Variants in BLOC1S2 observed in about 807,000 individuals in gnomAD.
The protein encoded by BLOC1S2 is biogenesis of lysosome-related organelles complex 1 subunit 2.
BLOC1S2 carries 12 observed loss-of-function variants against 19.6 expected under a neutral mutation model. The ratio of observed to expected loss-of-function variants is 0.61; its 90% CI spans 0.39 to 0.99. The LOEUF (loss-of-function observed/expected upper bound fraction) is 0.99, where lower values mean the gene tolerates loss of function less well. BLOC1S2 is among the 50% of genes least tolerant of loss of function. BLOC1S2 has a pLI of 0.00. For missense variants in BLOC1S2, 142 were observed against 171.0 expected (o/e 0.83, Z 0.95); for synonymous variants, 66 against 64.1 (o/e 1.03, Z -0.14).
rs1455742739 is a variant in BLOC1S2, at chr10:100,275,286, A to C, written c.*176T>G. 1 of 563,406 alleles carries C rather than the reference A, an allele frequency of 1.8e-6. No individual in the cohort carries two copies. Among genetic ancestry groups the C allele is most frequent in the Non-Finnish European group, 3.1e-6 (1 of 321,604 alleles). 34.9% of individuals were successfully genotyped at this position (563,406 alleles called of 1,614,324 possible). On this transcript the variant is annotated 3_prime_UTR_variant, in exon 5 of 5. Transcript: ENST00000370372. ...GATTCTGAGGGATTCTGTCTCAAAG[A>C]AGGTTCAGGAATAGCCACAGTCCTC...
intron 3 of BLOC1S2, among the ~76,000 whole-genome samples, chr10:100,280,609 T>A (rs747171016): frequency 2.4e-4 from 37 of 152,238 alleles, no homozygotes; most frequent in Non-Finnish European, 5.0e-4. Flanking sequence ...ATTAGTGTTT[T>A]CCATTATAGA....
chr10:100,278,159 T>TG lies in BLOC1S2; in HGVS notation c.397+1964dup, dbSNP rs1226928207. ...CCAGCCACCCCGTCTGGGAGGGAGGTGGGGGGGTCAGCCCCCTACCCGGCC... is the reference window on the plus strand; with the variant it reads ...CCAGCCACCCCGTCTGGGAGGGAGGTGGGGGGGGTCAGCCCCCTACCCGGCC... On this transcript the variant is annotated intron_variant, in intron 4 of 4. Coordinates refer to ENST00000370372, the MANE Select transcript of BLOC1S2 (RefSeq NM_173809.5). 6.6e-3 allele frequency among the ~76,000 whole-genome samples: 669 copies of TG among 101,438 alleles called. 7 individuals carry two copies. Among genetic ancestry groups the TG allele is most frequent in the Admixed American group, 9.1e-3 (95 of 10,400 alleles). 66.5% of individuals were successfully genotyped at this position (101,438 alleles called of 152,430 possible).
At chr10:100,286,244 G>A in intron 1 of BLOC1S2, 31 bp from the exon 2 acceptor site, 3 of 1,607,806 alleles carry the variant, frequency 1.9e-6, no homozygotes, top group Admixed American at 1.7e-5. Flanking sequence ...TAAGTGTCCC[G>A]CCTACACCCG....
rs778386384 is a variant in BLOC1S2 at position 100,286,661 on chromosome 10, G to A, written c.-2C>T. ...TACGCCCTCGGCTGCCGCCGCCATA[G>A]CGGACCCCGCGCTGTTTCCGGGCCG... On this transcript the variant is annotated 5_prime_UTR_variant, in exon 1 of 5. Transcript: ENST00000370372. 31 of 1,610,154 alleles carry A rather than the reference G, an allele frequency of 1.9e-5. No homozygotes were observed. Among genetic ancestry groups the A allele is most frequent in the Non-Finnish European group, 2.3e-5 (27 of 1,178,168 alleles).
At position 100,275,003 on chromosome 10, in the gene BLOC1S2, A is replaced by T; in HGVS notation, c.*459T>A. 1 of 396,680 alleles carries T rather than the reference A, an allele frequency of 2.5e-6. No individual in the cohort carries two copies. Among genetic ancestry groups the T allele is most frequent in the East Asian group, 3.6e-5 (1 of 27,754 alleles). The allele number at this position is 396,680 out of a possible 1,614,324, so 24.6% of individuals were successfully genotyped here. On this transcript the variant is annotated 3_prime_UTR_variant, in exon 5 of 5. Coordinates refer to ENST00000370372, the MANE Select transcript of BLOC1S2 (RefSeq NM_173809.5). The stretch of plus-strand genomic sequence containing the variant: ...ACAAGGTGATAAGCTGCAAAGAACA[A>T]GTTTGTTTTGTTTTCCTTTTTAAAT...
At chr10:100,281,689 A>ATATAT (rs1184018869) in intron 2 of BLOC1S2, among the ~76,000 whole-genome samples, 2 of 95,310 alleles carry the variant, frequency 2.1e-5, no homozygotes, top group African/African-American at 1.1e-4. Flanking sequence ...TCTCAAAAAA[A>ATATAT]AAAAATATAT....
intron 4 of BLOC1S2, among the ~76,000 whole-genome samples, chr10:100,277,669 C>G (rs1485396183): frequency 1.4e-5 from 2 of 141,488 alleles, no homozygotes; most frequent in African/African-American, 5.3e-5. Flanking sequence ...GGGCTCAGCC[C>G]CCCCGCCCGG....
intron 4 of BLOC1S2, among the ~76,000 whole-genome samples, chr10:100,278,393 G>A (rs1339312323): frequency 6.6e-6 from 1 of 152,234 alleles, no homozygotes; most frequent in Non-Finnish European, 1.5e-5. Flanking sequence ...AATAGAAAAG[G>A]GGGCAAGGTG....
At position 100,280,148 on chromosome 10, in the gene BLOC1S2, A is replaced by T; in HGVS notation, c.373T>A (p.Leu125Met). The change falls in exon 4 of 5, where the codon TTG becomes ATG. Residue 125 changes from leucine (L) to methionine (M), a missense_variant. By Grantham distance (15) the Leu-to-Met change is conservative. Around this residue, in one of 2 missense-constraint regions of BLOC1S2, gnomAD observed 94 missense variants for 141.3 expected, o/e 0.67. Transcript: ENST00000370372. Reference sequence around the variant, plus strand: ...CCCAGTTTTTTTGAATATGCATCCAACTTGTAAGCTGCCTGCTCAAGAGCT... The same window carrying T: ...CCCAGTTTTTTTGAATATGCATCCATCTTGTAAGCTGCCTGCTCAAGAGCT... ...VAALEQAAYK[L>M]DAYSKKLEAK... 1 of 1,613,764 alleles carries T rather than the reference A, an allele frequency of 6.2e-7. No individual in the cohort carries two copies. The highest frequency in any genetic ancestry group is 8.5e-7 in the Non-Finnish European group (1 of 1,179,842).
intron 4 of BLOC1S2, 27 bp from the exon 5 acceptor site, chr10:100,275,520 C>A: frequency 1.9e-6 from 3 of 1,593,434 alleles, no homozygotes; most frequent in Non-Finnish European, 1.7e-6. Flanking sequence ...AGAGTTACAT[C>A]TTTTAAAACT....
rs940475236 is a variant in BLOC1S2 at position 100,273,750 on chromosome 10, C to T, written c.*1712G>A. ...ACTCGGGAGGCTGAGGCAGGAGAAT[C>T]GCTTGAACCCAGGAAACAGAGGTTG... On this transcript the variant is annotated 3_prime_UTR_variant, in exon 5 of 5. Transcript: ENST00000370372. 4 of 151,176 alleles carry T rather than the reference C, an allele frequency of 2.6e-5. No homozygotes were observed. Among genetic ancestry groups the T allele is most frequent in the Non-Finnish European group, 4.4e-5 (3 of 67,950 alleles). The allele number at this position is 151,176 out of a possible 1,614,324, so 9.4% of individuals were successfully genotyped here.
rs1474673044 is a variant in BLOC1S2 at position 100,275,301 on chromosome 10, C to G, written c.*161G>C. On this transcript the variant is annotated 3_prime_UTR_variant, in exon 5 of 5. Transcript: ENST00000370372. ...TGTCTCAAAGAAGGTTCAGGAATAG[C>G]CACAGTCCTCCAGTTTACTCGAACG... 7.7e-6 allele frequency: 5 copies of G among 649,638 alleles called. No homozygotes were observed. The highest frequency in any genetic ancestry group is 1.3e-5 in the Non-Finnish European group (5 of 383,324). 40.2% of individuals were successfully genotyped at this position (649,638 alleles called of 1,614,324 possible). A position where few individuals can be genotyped will look rare whatever the true frequency, so the allele number is the denominator to read the frequency against.
chr10:100,283,827 A>T (rs1303885992), intron 2 of BLOC1S2, among the ~76,000 whole-genome samples: 1 of 152,204 alleles, frequency 6.6e-6, no homozygotes, highest in African/African-American at 2.4e-5. Context: ...GTGAGCCGAG[A>T]TTGCACCACT....
intron 1 of BLOC1S2, 134 bp from the exon 2 acceptor site, chr10:100,286,347 A>G (rs1848238433): frequency 6.8e-7 from 1 of 1,468,152 alleles, no homozygotes; most frequent in Non-Finnish European, 9.0e-7. Context: ...CATAATTTCA[A>G]GTCCTTCACT....
intron 2 of BLOC1S2, among the ~76,000 whole-genome samples, chr10:100,283,690 G>C (rs1214263860): frequency 6.6e-6 from 1 of 152,046 alleles, no homozygotes; most frequent in Non-Finnish European, 1.5e-5. Flanking sequence ...GGCTGACATG[G>C]CAAAACCTCA....
At chr10:100,285,900 T>C (rs542840239) in intron 2 of BLOC1S2, among the ~76,000 whole-genome samples, 197 bp downstream of exon 2, 1 of 152,332 alleles carries the variant, frequency 6.6e-6, no homozygotes, top group South Asian at 2.1e-4. Context: ...TTTTTGTTAT[T>C]GTTTTCTCAT....
intron 4 of BLOC1S2, among the ~76,000 whole-genome samples, 199 bp from the exon 5 acceptor site, chr10:100,275,692 A>AC (rs1188411073): frequency 6.6e-6 from 1 of 152,234 alleles, no homozygotes; most frequent in African/African-American, 2.4e-5. Flanking sequence ...GACACTCAGA[A>AC]CTGAGAGCCT....
chr10:100,283,370 T>A (rs1435595802), intron 2 of BLOC1S2, among the ~76,000 whole-genome samples: 2 of 152,150 alleles, frequency 1.3e-5, no homozygotes, highest in East Asian at 3.9e-4. Context: ...ACTACAAGGA[T>A]GGAGTCGTGC....
Position 100,286,647 on chromosome 10 carries a change from C to A in BLOC1S2, c.13G>T (p.Ala5Ser), listed in dbSNP as rs370811116. MAAA[A>S]EGVLATRSDE... Reference sequence around the variant, plus strand: ...CTCCGGGTCGCCAGTACGCCCTCGGCTGCCGCCGCCATAGCGGACCCCGCG... The same window carrying A: ...CTCCGGGTCGCCAGTACGCCCTCGGATGCCGCCGCCATAGCGGACCCCGCG... Residue 5 changes from alanine (A) to serine (S), a missense_variant, in exon 1 of 5, where the codon GCC becomes TCC. This residue lies in a region of BLOC1S2 where 48 missense variants were observed against 29.7 expected (regional missense o/e 1.61). Transcript: ENST00000370372. 11 of 1,609,740 alleles carry A rather than the reference C, an allele frequency of 6.8e-6. No individual in the cohort carries two copies. The African/African-American group carries it at 1.3e-4, about 20-fold the overall frequency.
Sources: gnomAD v4.1 joint callset for allele counts (sites outside exome capture counted in the v4.1 genomes callset) on GRCh38, gnomAD v4.1.1 for gene constraint, gnomAD v4.1.1 regional missense constraint, MANE v1.5 for transcripts, NCBI Gene and HGNC (gene_info 2026-07-23, HGNC 2026-07-21) for gene names.